Variants in ADGRD2 observed in about 807,000 individuals in gnomAD.
ADGRD2 encodes the protein G protein-coupled receptor PGR24.
Under a neutral mutation model 44.4 loss-of-function variants are expected in ADGRD2, and 71 were observed. The ratio of observed to expected loss-of-function variants is 1.60; its 90% CI spans 1.32 to 1.95. The LOEUF (loss-of-function observed/expected upper bound fraction) is 1.95. Ranked by LOEUF, ADGRD2 falls within the 30% of genes most tolerant of loss-of-function variation. The pLI is 0.00. For missense variants in ADGRD2, 1,039 were observed against 512.4 expected (o/e 2.03, Z -9.92); for synonymous variants, 481 against 224.8 (o/e 2.14, Z -10.19).
chr9:124,472,146 G>A (rs959256378), intron 17 of ADGRD2, among the ~76,000 whole-genome samples: 9 of 143,364 alleles, frequency 6.3e-5, no homozygotes, highest in East Asian at 5.8e-4. Flanking sequence ...CAATGCCACC[G>A]TCAGCCATGG....
intron 2 of ADGRD2, 100 bp downstream of exon 5, chr9:124,452,822 A>C: frequency 1.6e-6 from 1 of 637,752 alleles, no homozygotes; most frequent in Non-Finnish European, 2.8e-6. Flanking sequence ...ATGAGCCGGG[A>C]GTAAGACCCC....
intron 11 of ADGRD2, chr9:124,467,466 A>G (rs1831846183): frequency 2.1e-6 from 1 of 484,162 alleles, no homozygotes; most frequent in East Asian, 3.4e-5. Context: ...CACGTTTGTC[A>G]GCACTCTTAG....
At chr9:124,467,458 C>A (rs540511228) in intron 11 of ADGRD2, 1 of 465,454 alleles carries the variant, frequency 2.1e-6, no homozygotes, top group Non-Finnish European at 3.8e-6. Context: ...CCCGTGGGCA[C>A]GTTTGTCAGC....
chr9:124,458,138 C>A (rs1331143517), exon 9 of ADGRD2: 1 of 718,558 alleles, frequency 1.4e-6, no homozygotes, highest in Non-Finnish European at 2.6e-6. Context: ...CCGTGATCCA[C>A]AGCTGGTTCA....
At chr9:124,476,053 T>C (rs4838186) in intron 19 of ADGRD2, among the ~76,000 whole-genome samples, 102,376 of 152,010 alleles carry the variant, frequency 0.67, 34,696 homozygotes, top group East Asian at 0.75. Flanking sequence ...TTCCCTGGGG[T>C]TCCATGCAGA....
chr9:124,462,945 C>CTCCT (rs1180094903), intron 10 of ADGRD2, among the ~76,000 whole-genome samples: 8 of 151,042 alleles, frequency 5.3e-5, no homozygotes, highest in African/African-American at 1.7e-4. Context: ...TTCTCTCTCT[C>CTCCT]TCCTTCCTTC....
chr9:124,454,891 G>C lies in ADGRD2; in HGVS notation c.1159G>C (p.Glu387Gln), dbSNP rs1242326827. ...AGTCCATGGGGCCCTGTCCCCAGCG[G>C]AGGCCTCCAGCTTCCTGGGCCTTCT... is the stretch of plus-strand genomic sequence containing the variant. The change falls in exon 6 of 22, where the codon GAG becomes CAG. Residue 387 changes from glutamate (E) to glutamine (Q), a missense_variant. Glu to Gln is a conservative substitution (Grantham distance 29, BLOSUM62 2). Transcript: ENST00000334810. This position sits in a 1 kb window ranked among gnomAD's most constrained non-coding sequence, Gnocchi z 4.5. 1.4e-6 allele frequency: 1 copy of C among 713,308 alleles called. No individual in the cohort carries two copies. Among genetic ancestry groups the C allele is most frequent in the South Asian group, 1.5e-5 (1 of 67,594 alleles). 44.2% of individuals were successfully genotyped at this position (713,308 alleles called of 1,614,324 possible).
chr9:124,458,504 C>G, intron 9 of ADGRD2, 112 bp from the exon 13 acceptor site: 1 of 642,994 alleles, frequency 1.6e-6, no homozygotes, highest in Non-Finnish European at 2.9e-6. Flanking sequence ...TTCCTGATAT[C>G]CCTTCGGACA....
intron 10 of ADGRD2, among the ~76,000 whole-genome samples, chr9:124,463,688 T>C (rs1831760093): frequency 6.6e-6 from 1 of 152,238 alleles, no homozygotes; most frequent in South Asian, 2.1e-4. Context: ...TTTCAAAGAA[T>C]GTGTCCATTT....
chr9:124,468,262 C>A (rs530413177), intron 13 of ADGRD2, 72 bp downstream of exon 16: 2 of 711,852 alleles, frequency 2.8e-6, no homozygotes, highest in African/African-American at 1.7e-5. Context: ...TCTAGGGTGA[C>A]CCCCTGCCCC....
intron 10 of ADGRD2, among the ~76,000 whole-genome samples, chr9:124,464,211 A>T (rs925749208): frequency 6.6e-6 from 1 of 152,100 alleles, no homozygotes; most frequent in African/African-American, 2.4e-5. Flanking sequence ...AATAAAAGTG[A>T]TGTGTTACTC....
exon 3 of ADGRD2, chr9:124,453,549 C>T: frequency 4.3e-6 from 3 of 697,896 alleles, no homozygotes; most frequent in Non-Finnish European, 7.9e-6. Context: ...CGCTGAGCCC[C>T]GCTCAGCTGC....
chr9:124,470,521 G>T, exon 17 of ADGRD2: 1 of 711,194 alleles, frequency 1.4e-6, no homozygotes. Flanking sequence ...TGCTGGTCCT[G>T]CTGCCCGTCC....
intron 19 of ADGRD2, 30 bp downstream of exon 22, chr9:124,475,645 G>A (rs1832034518): frequency 1.6e-6 from 1 of 624,200 alleles, no homozygotes; most frequent in Non-Finnish European, 2.9e-6. Flanking sequence ...TGTGGGTGGG[G>A]GCGGGAGGCC....
At chr9:124,460,093 C>T (rs1032376500) in intron 10 of ADGRD2, among the ~76,000 whole-genome samples, 1 of 151,514 alleles carries the variant, frequency 6.6e-6, no homozygotes, top group Non-Finnish European at 1.5e-5. Context: ...TGGACACACA[C>T]ACACACACAC....
Position 124,469,522 on chromosome 9 carries a change from C to T in ADGRD2, c.2614C>T (p.Gln872Ter). Reference sequence around the variant, plus strand: ...CATGTTGAGCCCACAGCCCTGCCTGCAGCAGCAGATCTGGACCCAGATATG... The same window carrying T: ...CATGTTGAGCCCACAGCCCTGCCTGTAGCAGCAGATCTGGACCCAGATATG... Residue 872 changes from glutamine to a stop codon, truncating the protein, a stop_gained, in exon 16 of 22, where the codon CAG (glutamine) becomes TAG (stop). Transcript: ENST00000334810. LOFTEE classifies it high-confidence loss of function. 3 of 718,170 alleles carry T rather than the reference C, an allele frequency of 4.2e-6. No homozygotes were observed. The highest frequency in any genetic ancestry group is 1.5e-5 in the South Asian group (1 of 67,600). The allele number at this position is 718,170 out of a possible 1,614,324, so 44.5% of individuals were successfully genotyped here. A position where few individuals can be genotyped will look rare whatever the true frequency, so the allele number is the denominator to read the frequency against.
exon 3 of ADGRD2, chr9:124,453,509 A>G (rs1317663446): frequency 5.7e-6 from 4 of 701,688 alleles, no homozygotes; most frequent in Non-Finnish European, 1.0e-5. Context: ...CTCAGCGGCA[A>G]CCTCACCGAC....
At chr9:124,476,280 GC>G in intron 19 of ADGRD2, 76 bp from the exon 23 acceptor site, 1 of 644,358 alleles carries the variant, frequency 1.6e-6, no homozygotes, top group South Asian at 1.7e-5. Context: ...GATCCTGAGG[GC>G]CCCACTCCCA....
At chr9:124,467,859 G>T in intron 12 of ADGRD2, 35 bp downstream of exon 15, 1 of 717,694 alleles carries the variant, frequency 1.4e-6, no homozygotes, top group Non-Finnish European at 2.6e-6. Context: ...CTGGTGGCCT[G>T]GGCCCTCCCG....
Sources: gnomAD v4.1 joint callset for allele counts (sites outside exome capture counted in the v4.1 genomes callset) on GRCh38, gnomAD v4.1.1 for gene constraint, Gnocchi (gnomAD v3.1) non-coding constraint, MANE v1.5 for transcripts, NCBI Gene and HGNC (gene_info 2026-07-23, HGNC 2026-07-21) for gene names.